RMP64: variants seen among roughly 807,000 people sequenced by gnomAD.
The protein encoded by RMP64 is ribonuclease MRP subunit p64.
At chr3:113,017,735 T>G in the RMP64 span, 4 of 731,822 alleles carry the variant, frequency 5.5e-6, no homozygotes, top group Admixed American at 8.6e-5. Context: ...CAGTCTCAAC[T>G]GTAAGAACGT....
chr3:113,012,620 A>G, the RMP64 span: 1 of 618,220 alleles, frequency 1.6e-6, no homozygotes, highest in Admixed American at 2.8e-5. Flanking sequence ...CAAGAAAGAG[A>G]ATACCTGCAC....
At chr3:113,019,457 G>A in the RMP64 span, 2 of 1,164,112 alleles carry the variant, frequency 1.7e-6, no homozygotes, top group Non-Finnish European at 2.5e-6. Context: ...GGAAGTCCCG[G>A]TACCACCCCC....
At chr3:113,013,407 G>GA in the RMP64 span, 3 of 1,498,256 alleles carry the variant, frequency 2.0e-6, no homozygotes, top group Non-Finnish European at 2.7e-6. Context: ...ATTTTCACTT[G>GA]AAAAAAATAG....
chr3:113,019,660 G>T, the RMP64 span: 2 of 1,608,504 alleles, frequency 1.2e-6, no homozygotes, highest in African/African-American at 1.3e-5. Context: ...GAGGCGGGGG[G>T]ACTTACGAAA....
chr3:113,013,923 C>T, the RMP64 span: 16 of 1,486,854 alleles, frequency 1.1e-5, no homozygotes, highest in Non-Finnish European at 1.5e-5. Context: ...CAGCCCACCA[C>T]ATCACAAAGC....
chr3:113,013,190 A>G, the RMP64 span: 4 of 1,469,616 alleles, frequency 2.7e-6, no homozygotes, highest in African/African-American at 5.6e-5. Context: ...ATGGAGTGTT[A>G]GCTTTCAAAC....
chr3:113,008,579 T>C, the RMP64 span: 1 of 648,732 alleles, frequency 1.5e-6, no homozygotes, highest in Non-Finnish European at 2.7e-6. Context: ...CCATTTACCC[T>C]GTGGTTATTA....
chr3:113,003,974 A>G, the RMP64 span: 3 of 152,222 alleles, frequency 2.0e-5, no homozygotes, highest in Non-Finnish European at 4.4e-5. Flanking sequence ...TGGTCCACAA[A>G]GCTATACACC....
the RMP64 span, chr3:113,012,969 A>G: frequency 1.6e-6 from 1 of 623,704 alleles, no homozygotes; most frequent in Non-Finnish European, 2.8e-6. Context: ...ACTTTAAAAT[A>G]TGGTTATAAA....
At chr3:113,002,963 A>ACTT in the RMP64 span, 1 of 152,326 alleles carries the variant, frequency 6.6e-6, no homozygotes, top group African/African-American at 2.4e-5. Flanking sequence ...CACAGCAGTG[A>ACTT]CTTTAGTATG....
chr3:113,017,979 T>C, the RMP64 span, among the ~76,000 whole-genome samples: 106 of 152,322 alleles, frequency 7.0e-4, 2 homozygotes, highest in African/African-American at 2.4e-3. Context: ...ACATGTGTAA[T>C]AACTCTCTAA....
the RMP64 span, chr3:113,012,820 T>G: frequency 6.5e-7 from 1 of 1,544,314 alleles, no homozygotes; most frequent in Non-Finnish European, 8.9e-7. Flanking sequence ...AACTGGAAAA[T>G]CAATTTAAGG....
At chr3:113,005,735 T>G in the RMP64 span, 2 of 1,614,008 alleles carry the variant, frequency 1.2e-6, no homozygotes, top group Admixed American at 3.3e-5. Context: ...CTGCTTACTG[T>G]TAGGGTAGAG....
the RMP64 span, among the ~76,000 whole-genome samples, chr3:113,019,356 A>T: frequency 6.6e-6 from 1 of 152,212 alleles, no homozygotes; most frequent in Non-Finnish European, 1.5e-5. Flanking sequence ...AAGGAATGCG[A>T]AGCCAGAGGC....
At chr3:113,014,138 T>C in the RMP64 span, 3 of 723,140 alleles carry the variant, frequency 4.1e-6, no homozygotes, top group Admixed American at 2.2e-5. Context: ...TATGGAAATA[T>C]GCTAAATATC....
At chr3:113,005,446 C>G in the RMP64 span, 1 of 801,480 alleles carries the variant, frequency 1.2e-6, no homozygotes, top group Non-Finnish European at 2.1e-6. Flanking sequence ...CTCTGTGAGT[C>G]CAGGTGGTAC....
the RMP64 span, chr3:113,011,587 G>A: frequency 7.6e-5 from 34 of 447,338 alleles, no homozygotes; most frequent in Non-Finnish European, 1.1e-4. Flanking sequence ...AAAAATCCAA[G>A]TATAAAATGT....
At chr3:113,019,446 G>C in the RMP64 span, 1 of 996,752 alleles carries the variant, frequency 1.0e-6, no homozygotes, top group Non-Finnish European at 1.5e-6. Flanking sequence ...CCCCCGGGCC[G>C]GGAAGTCCCG....
At chr3:113,019,592 T>G in the RMP64 span, 1 of 1,613,888 alleles carries the variant, frequency 6.2e-7, no homozygotes. Flanking sequence ...GTTCCCCGCC[T>G]TAGGGATTCT....
Sources: gnomAD v4.1 joint callset for allele counts (sites outside exome capture counted in the v4.1 genomes callset) on GRCh38, gnomAD v4.1.1 for gene constraint, MANE v1.5 for transcripts, NCBI Gene and HGNC (gene_info 2026-07-23, HGNC 2026-07-21) for gene names.